The following LTBP1 variants were observed in gnomAD, a reference collection of about 807,000 sequenced individuals.
LTBP1 encodes the protein latent-transforming growth factor beta-binding protein 1.
In LTBP1, 129 loss-of-function variants were observed where a neutral mutation model predicts 207.6. That is an observed-to-expected ratio of 0.62 (90% CI 0.54 to 0.72). LTBP1 has a LOEUF of 0.72. LTBP1 is among the 30% of genes least tolerant of loss of function. The probability of loss-of-function intolerance (pLI) is 0.00; values close to 1 mark genes in which losing one functional copy is unlikely to be tolerated. For synonymous variants in LTBP1, 963 were observed against 833.7 expected (o/e 1.16, Z -2.67); for missense variants, 2,281 against 2,217.2 (o/e 1.03, Z -0.58).
intron 25 of LTBP1, among the ~76,000 whole-genome samples, chr2:33,345,259 C>T (rs942546974): frequency 2.0e-5 from 3 of 152,190 alleles, no homozygotes; most frequent in Admixed American, 2.0e-4. Context: ...GAACTTTTCA[C>T]TCCTCACACT....
chr2:33,228,652 C>T (rs1558849898), intron 9 of LTBP1, among the ~76,000 whole-genome samples: 2 of 147,646 alleles, frequency 1.4e-5, no homozygotes. Flanking sequence ...AAATAACTTT[C>T]CCAGGGTCAC....
intron 9 of LTBP1, among the ~76,000 whole-genome samples, chr2:33,230,291 G>A (rs993154947): frequency 6.6e-6 from 1 of 152,144 alleles, no homozygotes; most frequent in Non-Finnish European, 1.5e-5. Context: ...TTTTACTAAT[G>A]TGCACTCAGT....
chr2:33,083,413 G>C (rs540385729), intron 3 of LTBP1, among the ~76,000 whole-genome samples: 1 of 152,206 alleles, frequency 6.6e-6, no homozygotes, highest in South Asian at 2.1e-4. Context: ...CATCAAAATT[G>C]AGGAGTCCAG....
chr2:33,320,458 G>A (rs11885251), intron 24 of LTBP1, among the ~76,000 whole-genome samples: 1,530 of 151,896 alleles, frequency 0.01, 18 homozygotes, highest in African/African-American at 0.035. Context: ...AGAGAAAGAA[G>A]TGGAAAGCTG....
intron 5 of LTBP1, among the ~76,000 whole-genome samples, chr2:33,181,725 G>A (rs1449608880): frequency 6.6e-6 from 1 of 152,144 alleles, no homozygotes; most frequent in Non-Finnish European, 1.5e-5. Context: ...TAAAATATAT[G>A]CCCCATGGCT....
rs560082159 is a variant in LTBP1, at chr2:33,024,910, C to G, written c.863+3704C>G. ...CCAAGCAGTCAGCAGGGGTGGCAGT[C>G]ATCTGAAGGCTCGACTGGGGCTGGG... On this transcript the variant is annotated intron_variant, in intron 3 of 33. Transcript: ENST00000404816. Among the ~76,000 whole-genome samples the G allele has an allele frequency of 2.0e-5, 3 of 152,332 alleles. No homozygotes were observed. In the South Asian group the frequency reaches 6.2e-4, roughly 32 times the overall value.
chr2:33,396,429 C>T (rs1487197065), intron 32 of LTBP1, among the ~76,000 whole-genome samples: 2 of 152,132 alleles, frequency 1.3e-5, no homozygotes, highest in African/African-American at 4.8e-5. Context: ...ACCATGTTGG[C>T]CACGCTGGTC....
intron 2 of LTBP1, among the ~76,000 whole-genome samples, chr2:32,973,568 G>A (rs13006653): frequency 4.6e-5 from 7 of 151,896 alleles, no homozygotes; most frequent in Non-Finnish European, 8.8e-5. Context: ...TCCCTACAAG[G>A]ACCCCCTTAT....
intron 30 of LTBP1, among the ~76,000 whole-genome samples, chr2:33,364,986 G>A (rs1012219654): frequency 6.6e-6 from 1 of 152,214 alleles, no homozygotes; most frequent in Non-Finnish European, 1.5e-5. Flanking sequence ...GAAAGAAATG[G>A]TAGGGTTTGA....
rs148232570 is a variant in LTBP1, at chr2:33,155,265, C to T, written c.1201+20305C>T. ...ATTTTTAGAAGAGATACGGTTTCACCATATTGGCCAGGCTACTCTCGAACT... is the reference window on the plus strand; with the variant it reads ...ATTTTTAGAAGAGATACGGTTTCACTATATTGGCCAGGCTACTCTCGAACT... On this transcript the variant is annotated intron_variant, in intron 5 of 33. Transcript: ENST00000404816. 2.8e-4 allele frequency among the ~76,000 whole-genome samples: 42 copies of T among 152,174 alleles called. 1 individual carries two copies. In the East Asian group the frequency reaches 8.1e-3, roughly 29 times the overall value.
intron 3 of LTBP1, among the ~76,000 whole-genome samples, chr2:33,075,670 T>TG (rs1479337334): frequency 1.3e-5 from 2 of 152,222 alleles, no homozygotes; most frequent in Non-Finnish European, 1.5e-5. Flanking sequence ...ATTTTGAAGT[T>TG]ACCCAACTGC....
At chr2:33,382,244 G>A (rs889053725) in intron 31 of LTBP1, among the ~76,000 whole-genome samples, 15 of 151,600 alleles carry the variant, frequency 9.9e-5, no homozygotes, top group Non-Finnish European at 2.1e-4. Context: ...ACAGGTGCAC[G>A]CCACCACGCC....
intron 3 of LTBP1, among the ~76,000 whole-genome samples, chr2:33,038,713 A>G (rs1303204208): frequency 6.6e-6 from 1 of 152,238 alleles, no homozygotes; most frequent in African/African-American, 2.4e-5. Context: ...AGGCTAGACC[A>G]TAAAGTTTCC....
chr2:33,086,857 C>T (rs2078782928), intron 3 of LTBP1, among the ~76,000 whole-genome samples: 3 of 151,964 alleles, frequency 2.0e-5, no homozygotes, highest in Non-Finnish European at 2.9e-5. Context: ...GGAAAATAAA[C>T]TAACACATTG....
intron 20 of LTBP1, among the ~76,000 whole-genome samples, chr2:33,297,600 T>G (rs2093904371): frequency 6.6e-6 from 1 of 151,916 alleles, no homozygotes; most frequent in South Asian, 2.1e-4. Context: ...CCTGGCTAAT[T>G]TTTGTATTTT....
chr2:33,136,524 A>G (rs879681195), intron 5 of LTBP1, among the ~76,000 whole-genome samples: 10 of 152,244 alleles, frequency 6.6e-5, no homozygotes, highest in Admixed American at 5.2e-4. Flanking sequence ...GGCCACAGAC[A>G]AGGAGGGGAA....
At chr2:32,961,927 A>G (rs189084257) in intron 2 of LTBP1, among the ~76,000 whole-genome samples, 100 of 150,782 alleles carry the variant, frequency 6.6e-4, no homozygotes, top group African/African-American at 2.3e-3. Context: ...CCTGGGCAAC[A>G]ATAGTGAAAC....
chr2:33,242,352 T>C (rs1349701766), intron 9 of LTBP1, among the ~76,000 whole-genome samples: 1 of 152,218 alleles, frequency 6.6e-6, no homozygotes, highest in African/African-American at 2.4e-5. Context: ...ATATCTCTCC[T>C]CTTTCAAATC....
At chr2:33,065,868 T>G (rs1010106028) in intron 3 of LTBP1, among the ~76,000 whole-genome samples, 5 of 152,226 alleles carry the variant, frequency 3.3e-5, no homozygotes, top group African/African-American at 1.2e-4. Context: ...AAAATTCACT[T>G]CGCTAGATAT....
Sources: allele counts gnomAD v4.1 joint callset (sites outside exome capture counted in the v4.1 genomes callset), GRCh38; gene constraint gnomAD v4.1.1; transcripts MANE v1.5; gene names NCBI Gene and HGNC (gene_info 2026-07-23, HGNC 2026-07-21).